The following ETNPPL variants were observed in gnomAD, a reference collection of about 807,000 sequenced individuals.
ETNPPL encodes ethanolamine-phosphate phospho-lyase.
In ETNPPL, 30 loss-of-function variants were observed where a neutral mutation model predicts 55.5. The observed-to-expected ratio is 0.54, with a 90% confidence interval of 0.40 to 0.73. ETNPPL has a LOEUF of 0.73. ETNPPL is among the 30% of genes least tolerant of loss of function. The pLI is 0.00. For synonymous variants in ETNPPL, 202 were observed against 207.2 expected, an observed-to-expected ratio of 0.98 and a Z score of 0.21; for missense variants, 528 against 607.9, an observed-to-expected ratio of 0.87 and a Z score of 1.38.
At chr4:108,744,811 C>T (rs1262685879) in intron 11 of ETNPPL, among the ~76,000 whole-genome samples, 2 of 148,728 alleles carry the variant, frequency 1.3e-5, no homozygotes, top group Non-Finnish European at 1.5e-5. Context: ...GCCTTGCAGT[C>T]TCAAGTAATA....
intron 7 of ETNPPL, 128 bp downstream of exon 7, chr4:108,750,808 C>A: frequency 1.5e-6 from 1 of 688,674 alleles, no homozygotes. Flanking sequence ...CCTGGGTTGG[C>A]AGGCACTCAG....
intron 8 of ETNPPL, 152 bp downstream of exon 8, chr4:108,749,086 A>C: frequency 3.6e-6 from 2 of 550,770 alleles, no homozygotes; most frequent in Non-Finnish European, 6.4e-6. Context: ...GTAAGTATTT[A>C]AGATGTTTTA....
At chr4:108,761,001 G>C (rs1300521422) in intron 1 of ETNPPL, among the ~76,000 whole-genome samples, 1 of 152,126 alleles carries the variant, frequency 6.6e-6, no homozygotes, top group Non-Finnish European at 1.5e-5. Context: ...CATGTATTTT[G>C]AGTGGTACTT....
intron 1 of ETNPPL, chr4:108,762,564 C>T: frequency 3.2e-6 from 2 of 628,350 alleles, no homozygotes; most frequent in South Asian, 3.7e-5. Context: ...CATCCACCAA[C>T]CCCTCTAGCC....
In ETNPPL at chr4:108,752,881, C is replaced by A. The variant is rs750168429; in HGVS notation, c.618+14G>T. ...AAAAGATGTTGAGATGTTTCCAAAG[C>A]TATAAATACAAACCTTCCTTCCACT... is the stretch of plus-strand genomic sequence containing the variant. On this transcript the variant is annotated intron_variant, in intron 6 of 12. Transcript: ENST00000296486. The A allele has an allele frequency of 2.1e-6, 3 of 1,414,802 alleles. No individual in the cohort carries two copies. Among genetic ancestry groups the A allele is most frequent in the Non-Finnish European group, 3.0e-6 (3 of 1,006,040 alleles). The allele number at this position is 1,414,802 out of a possible 1,614,324, so 87.6% of individuals were successfully genotyped here.
At chr4:108,744,696 A>G (rs1240094771) in intron 11 of ETNPPL, among the ~76,000 whole-genome samples, 1 of 151,856 alleles carries the variant, frequency 6.6e-6, no homozygotes, top group Non-Finnish European at 1.5e-5. Context: ...AAGGCTGAGA[A>G]GCAAGTAGAG....
At chr4:108,760,540 T>C (rs1729465878) in intron 1 of ETNPPL, among the ~76,000 whole-genome samples, 1 of 152,180 alleles carries the variant, frequency 6.6e-6, no homozygotes, top group South Asian at 2.1e-4. Context: ...TATGCCATGA[T>C]TTGACAATTT....
At chr4:108,752,358 A>T (rs62315043) in intron 6 of ETNPPL, among the ~76,000 whole-genome samples, 4,316 of 152,316 alleles carry the variant, frequency 0.028, 80 homozygotes, top group Non-Finnish European at 0.044. Context: ...TAGGGTGAAG[A>T]CCAAGAAAGT....
chr4:108,746,934 C>T, intron 9 of ETNPPL, 83 bp from the exon 10 acceptor site: 1 of 823,818 alleles, frequency 1.2e-6, no homozygotes, highest in Non-Finnish European at 2.0e-6. Flanking sequence ...ACCAAACTTC[C>T]ATTTAATTTC....
intron 6 of ETNPPL, among the ~76,000 whole-genome samples, chr4:108,752,577 G>GTCTCT (rs1363835943): frequency 6.6e-6 from 1 of 152,104 alleles, no homozygotes; most frequent in Admixed American, 6.6e-5. Flanking sequence ...GGGCTACTTT[G>GTCTCT]TCTCTTCTCT....
chr4:108,748,242 C>T (rs1375649367), intron 8 of ETNPPL, 83 bp from the exon 9 acceptor site: 1 of 895,566 alleles, frequency 1.1e-6, no homozygotes, highest in African/African-American at 1.7e-5. Flanking sequence ...TTGGCTCATA[C>T]ATACATAAGT....
At chr4:108,750,495 CGT>C (rs3062135) in intron 7 of ETNPPL, among the ~76,000 whole-genome samples, 63,233 of 141,400 alleles carry the variant, frequency 0.45, 14,304 homozygotes, top group Non-Finnish European at 0.52. Context: ...TTAATACCGC[CGT>C]GTGTGTGTGT....
intron 11 of ETNPPL, among the ~76,000 whole-genome samples, chr4:108,745,384 C>T (rs760767105): frequency 2.8e-4 from 43 of 151,992 alleles, no homozygotes; most frequent in Non-Finnish European, 5.4e-4. Flanking sequence ...ATCACGAGGT[C>T]GGGAGTTCGA....
chr4:108,750,388 C>T (rs1035557855), intron 7 of ETNPPL, among the ~76,000 whole-genome samples: 2 of 151,862 alleles, frequency 1.3e-5, no homozygotes, highest in African/African-American at 4.8e-5. Context: ...AAACATCAGA[C>T]TCCAGGTTCT....
chr4:108,748,597 T>C (rs1013768532), intron 8 of ETNPPL, among the ~76,000 whole-genome samples: 2 of 152,194 alleles, frequency 1.3e-5, no homozygotes, highest in Non-Finnish European at 2.9e-5. Context: ...GTATTATATA[T>C]ACTGAACAAA....
chr4:108,754,855 A>T, intron 4 of ETNPPL, 145 bp from the exon 5 acceptor site: 1 of 612,286 alleles, frequency 1.6e-6, no homozygotes, highest in Admixed American at 3.4e-5. Flanking sequence ...ACTATATGGG[A>T]TCTAATTTTT....
intron 11 of ETNPPL, 23 bp from the exon 12 acceptor site, chr4:108,743,879 G>A (rs1728335900): frequency 1.3e-6 from 2 of 1,527,420 alleles, no homozygotes; most frequent in Non-Finnish European, 1.8e-6. Context: ...AGGTATTATG[G>A]AGAAGACAAA....
Position 108,759,745 on chromosome 4 carries a change from A to G in ETNPPL, c.335+4T>C, listed in dbSNP as rs1323103050. ...GGGGAGGGGTGGGAAACCATGAAGC[A>G]TACCCTGAATTTGTAAAATAACAAA... On this transcript the variant is annotated splice_donor_region_variant and intron_variant, in intron 3 of 12. Coordinates refer to ENST00000296486, the MANE Select transcript of ETNPPL (RefSeq NM_031279.4). 1 of 1,613,862 alleles carries G rather than the reference A, an allele frequency of 6.2e-7. No individual in the cohort carries two copies. Among genetic ancestry groups the G allele is most frequent in the Non-Finnish European group, 8.5e-7 (1 of 1,179,918 alleles).
At chr4:108,747,938 C>T (rs1374664526) in intron 9 of ETNPPL, 67 bp downstream of exon 9, 4 of 1,374,878 alleles carry the variant, frequency 2.9e-6, no homozygotes, top group South Asian at 2.5e-5. Flanking sequence ...CCATGTTGCC[C>T]AGCCTATAAA....
Sources: gnomAD v4.1 joint callset for allele counts (sites outside exome capture counted in the v4.1 genomes callset) on GRCh38, gnomAD v4.1.1 for gene constraint, MANE v1.5 for transcripts, NCBI Gene and HGNC (gene_info 2026-07-23, HGNC 2026-07-21) for gene names.